Variants in PTPN13 observed in about 807,000 individuals in gnomAD.
The protein encoded by PTPN13 is protein tyrosine phosphatase non-receptor type 13.
Under a neutral mutation model 284.0 loss-of-function variants are expected in PTPN13, and 191 were observed. That is an observed-to-expected ratio of 0.67 (90% CI 0.60 to 0.76). The LOEUF is 0.76. Among genes scored for constraint, PTPN13 ranks in the 30% least tolerant of loss-of-function variants. The probability of loss-of-function intolerance (pLI) is 0.00; values close to 1 mark genes in which losing one functional copy is unlikely to be tolerated. For missense variants in PTPN13, 2,797 were observed against 2,939.9 expected, an observed-to-expected ratio of 0.95 and a Z score of 1.12; for synonymous variants, 986 against 1,022.3, an observed-to-expected ratio of 0.96 and a Z score of 0.68.
At chr4:86,750,420 A>G (rs1304227850) in intron 17 of PTPN13, 50 bp from the exon 18 acceptor site, 2 of 1,455,144 alleles carry the variant, frequency 1.4e-6, no homozygotes, top group African/African-American at 2.8e-5. Flanking sequence ...TTATTCTCAT[A>G]AAAGTACTGT....
At chr4:86,611,284 T>C (rs1249845178) in intron 1 of PTPN13, among the ~76,000 whole-genome samples, 1 of 152,254 alleles carries the variant, frequency 6.6e-6, no homozygotes, top group Non-Finnish European at 1.5e-5. Flanking sequence ...AGTCTTAATA[T>C]TACTTCTTTT....
At chr4:86,760,933 A>G (rs1358996980) in intron 23 of PTPN13, among the ~76,000 whole-genome samples, 1 of 151,874 alleles carries the variant, frequency 6.6e-6, no homozygotes, top group South Asian at 2.1e-4. Context: ...TTAAGCACCA[A>G]AGAGGAAGGC....
chr4:86,684,995 C>G (rs529335865), intron 3 of PTPN13, among the ~76,000 whole-genome samples: 1 of 152,294 alleles, frequency 6.6e-6, no homozygotes, highest in East Asian at 1.9e-4. Context: ...CCCATATGCT[C>G]TGCCATCTTA....
chr4:86,658,642 G>A lies in PTPN13; in HGVS notation c.116-13723G>A, dbSNP rs117740324. 4.9e-4 allele frequency among the ~76,000 whole-genome samples: 75 copies of A among 152,242 alleles called. 2 individuals carry two copies. In the East Asian group the frequency reaches 0.014, roughly 28 times the overall value. On this transcript the variant is annotated intron_variant, in intron 2 of 47. Coordinates refer to ENST00000411767, the MANE Select transcript of PTPN13 (RefSeq NM_080683.3). ...AATACTAAAAATATGAGAGAGTTTA[G>A]GTTTATGAAGCATTCAATGAGAAGG... is the stretch of plus-strand genomic sequence containing the variant.
At chr4:86,759,494 T>G (rs1275208320) in intron 23 of PTPN13, among the ~76,000 whole-genome samples, 1 of 152,248 alleles carries the variant, frequency 6.6e-6, no homozygotes, top group Admixed American at 6.5e-5. Flanking sequence ...GCCATAGTTT[T>G]CTTTTGTTTT....
intron 2 of PTPN13, 59 bp from the exon 3 acceptor site, chr4:86,672,306 A>T (rs899190894): frequency 7.2e-7 from 1 of 1,384,162 alleles, no homozygotes; most frequent in Non-Finnish European, 9.7e-7. Flanking sequence ...CTGTGATTAT[A>T]ATTTTAAGCA....
At chr4:86,642,573 C>T (rs1438323154) in intron 2 of PTPN13, among the ~76,000 whole-genome samples, 3 of 150,184 alleles carry the variant, frequency 2.0e-5, no homozygotes, top group African/African-American at 7.4e-5. Context: ...GTGTTTCAGC[C>T]TCCTGAGTAG....
At chr4:86,693,014 G>A (rs905518330) in intron 5 of PTPN13, among the ~76,000 whole-genome samples, 4 of 148,104 alleles carry the variant, frequency 2.7e-5, no homozygotes, top group African/African-American at 7.5e-5. Flanking sequence ...GGGAGGCAGA[G>A]GTTGCAGTGA....
chr4:86,653,153 T>G (rs1725298909), intron 2 of PTPN13, among the ~76,000 whole-genome samples: 1 of 152,180 alleles, frequency 6.6e-6, no homozygotes, highest in African/African-American at 2.4e-5. Context: ...TTCTCTTGTT[T>G]TCTTGATGTT....
chr4:86,706,976 A>G (rs1731842393), intron 7 of PTPN13, among the ~76,000 whole-genome samples: 1 of 151,950 alleles, frequency 6.6e-6, no homozygotes, highest in African/African-American at 2.4e-5. Context: ...CCATCCCAAG[A>G]TCTGAGTAGT....
chr4:86,793,716 A>C (rs1402060991), intron 40 of PTPN13, among the ~76,000 whole-genome samples: 9 of 152,224 alleles, frequency 5.9e-5, no homozygotes. Context: ...AAAACCACAC[A>C]ACTACATGGA....
intron 43 of PTPN13, 88 bp downstream of exon 43, chr4:86,803,945 G>T: frequency 1.4e-6 from 2 of 1,444,256 alleles, no homozygotes; most frequent in Non-Finnish European, 9.3e-7. Flanking sequence ...AAGATTAGAA[G>T]AATTTTTGAA....
intron 3 of PTPN13, among the ~76,000 whole-genome samples, chr4:86,679,424 C>T (rs1015779042): frequency 3.3e-5 from 5 of 152,140 alleles, no homozygotes; most frequent in African/African-American, 9.7e-5. Context: ...AAAGTCTGGT[C>T]CCTCCAATCA....
At chr4:86,717,610 GA>G (rs1250010987) in intron 9 of PTPN13, among the ~76,000 whole-genome samples, 1 of 151,874 alleles carries the variant, frequency 6.6e-6, no homozygotes, top group Non-Finnish European at 1.5e-5. Flanking sequence ...CAAAGTATTG[GA>G]ATCTTTTAAA....
intron 23 of PTPN13, 49 bp from the exon 24 acceptor site, chr4:86,762,678 C>A (rs1738831192): frequency 1.5e-6 from 2 of 1,352,206 alleles, no homozygotes; most frequent in Non-Finnish European, 2.1e-6. Context: ...TGTGTGTAAG[C>A]ACGTGTATCA....
At chr4:86,793,885 C>A (rs13116442) in intron 40 of PTPN13, among the ~76,000 whole-genome samples, 1 of 151,252 alleles carries the variant, frequency 6.6e-6, no homozygotes, top group Non-Finnish European at 1.5e-5. Flanking sequence ...AGCACTAAAT[C>A]CCCACAAGAG....
chr4:86,599,028 G>A (rs1764071011), intron 1 of PTPN13, among the ~76,000 whole-genome samples: 1 of 152,060 alleles, frequency 6.6e-6, no homozygotes. Flanking sequence ...CCCAAAGCAC[G>A]GGGATTACAG....
In PTPN13 at chr4:86,675,192, G is replaced by A. The variant is rs371591049; in HGVS notation, c.294+2649G>A. Among the ~76,000 whole-genome samples the A allele has an allele frequency of 3.9e-5, 6 of 152,288 alleles. No individual in the cohort carries two copies. In the South Asian group the frequency reaches 6.2e-4, roughly 16 times the overall value. ...ATTTTGCCAAGTGTTTAGAAGCAAT[G>A]TTGGGGATGAAATGGGTGTGGGATT... On this transcript the variant is annotated intron_variant, in intron 3 of 47. Transcript: ENST00000411767.
chr4:86,691,934 A>T (rs1256156089), intron 5 of PTPN13, among the ~76,000 whole-genome samples: 1 of 152,162 alleles, frequency 6.6e-6, no homozygotes, highest in African/African-American at 2.4e-5. Context: ...CACTGATTTA[A>T]TGTTATAATA....
Sources: allele counts gnomAD v4.1 joint callset (sites outside exome capture counted in the v4.1 genomes callset), GRCh38; gene constraint gnomAD v4.1.1; transcripts MANE v1.5; gene names NCBI Gene and HGNC (gene_info 2026-07-23, HGNC 2026-07-21).